The following N4BP1 variants were observed in gnomAD, a reference collection of about 807,000 sequenced individuals.
N4BP1 encodes the protein NEDD4 binding protein 1.
In N4BP1, 21 loss-of-function variants were observed where a neutral mutation model predicts 70.9. The observed-to-expected ratio is 0.30, with a 90% CI of 0.21 to 0.43. The LOEUF is 0.43. N4BP1 is among the 20% of genes least tolerant of loss of function. The pLI is 1.00. For missense variants in N4BP1, 936 were observed against 1,069.4 expected (o/e 0.88, Z 1.74); for synonymous variants, 387 against 394.6 (o/e 0.98, Z 0.23).
chr16:48,564,071 T>C (rs1963901927), intron 1 of N4BP1, among the ~76,000 whole-genome samples: 1 of 152,192 alleles, frequency 6.6e-6, no homozygotes, highest in Non-Finnish European at 1.5e-5. Context: ...TAGCCTTCTA[T>C]TTTCTAATTG....
chr16:48,603,973 C>T (rs1453730818), intron 1 of N4BP1, among the ~76,000 whole-genome samples: 1 of 152,208 alleles, frequency 6.6e-6, no homozygotes, highest in Admixed American at 6.5e-5. Flanking sequence ...GACCCCCTTA[C>T]CTCCAATCCT....
chr16:48,562,560 G>T, intron 1 of N4BP1, 116 bp from the exon 2 acceptor site: 1 of 843,898 alleles, frequency 1.2e-6, no homozygotes, highest in South Asian at 2.1e-5. Flanking sequence ...AAGCATGTTT[G>T]TAATTTTGAA....
At chr16:48,552,694 T>A in intron 3 of N4BP1, among the ~76,000 whole-genome samples, 1 of 59,372 alleles carries the variant, frequency 1.7e-5, no homozygotes, top group Non-Finnish European at 2.7e-5. Context: ...CGAGACTCCG[T>A]CTCAGAAAAA....
At chr16:48,553,796 A>C (rs1038558375) in intron 2 of N4BP1, 127 bp from the exon 3 acceptor site, 4 of 868,796 alleles carry the variant, frequency 4.6e-6, no homozygotes, top group Non-Finnish European at 6.6e-6. Context: ...TAATATTCTT[A>C]CATTTTTGGC....
At chr16:48,594,607 C>T (rs1306428182) in intron 1 of N4BP1, among the ~76,000 whole-genome samples, 2 of 152,160 alleles carry the variant, frequency 1.3e-5, no homozygotes, top group East Asian at 1.9e-4. Context: ...CTGCCCACCT[C>T]GACCTCCCAA....
intron 1 of N4BP1, among the ~76,000 whole-genome samples, chr16:48,593,350 T>A (rs1160021456): frequency 6.6e-6 from 1 of 152,128 alleles, no homozygotes; most frequent in Non-Finnish European, 1.5e-5. Context: ...ACACACAAAG[T>A]GTGTAAGGAA....
rs1964185535 is a variant in N4BP1, at chr16:48,582,369, T to G, written c.199-19925A>C. Among the ~76,000 whole-genome samples the G allele has an allele frequency of 3.3e-5, 5 of 152,248 alleles. No homozygotes were observed. The South Asian group carries it at 1.0e-3, about 32-fold the overall frequency. On this transcript the variant is annotated intron_variant, in intron 1 of 6. Transcript: ENST00000262384. ...ATTCCTCTGTCTGGTATATCCACGC[T>G]GTATATACTACCTGCCCAACAGACA...
rs375239847 is a variant in N4BP1, at chr16:48,543,160, G to A, written c.2435C>T (p.Pro812Leu). ...TQAASTSHQP[P>L]TRIQGAPSSH... ...TGAAGGGGCTCCCTGAATCCGGGTC[G>A]GAGGCTGGTGGCTGGTGCTGGCTGC... is the stretch of plus-strand genomic sequence containing the variant. The change falls in exon 7 of 7, where the codon CCG (proline) becomes CTG (leucine). Residue 812 changes from proline (P) to leucine (L), a missense_variant. Transcript: ENST00000262384. The A allele has an allele frequency of 3.9e-5, 63 of 1,602,328 alleles. No homozygotes were observed. The highest frequency in any genetic ancestry group is 2.7e-4 in the African/African-American group (20 of 74,828).
Position 48,561,617 on chromosome 16 carries a change from A to G in N4BP1, c.1026T>C (p.Thr342=). ...CGAGGATGTTGTATTCCATTTCCTC[A>G]GTAGTTTCTTTTATATCTGGACTTA... The part of the protein sequence containing the change: ...ENLSPDIKET[T]EEMEYNILVN... Residue 342 remains threonine, a synonymous_variant, in exon 2 of 7, where the codon ACT becomes ACC. Coordinates refer to ENST00000262384, the MANE Select transcript of N4BP1 (RefSeq NM_153029.4). 2 of 1,613,320 alleles carry G rather than the reference A, an allele frequency of 1.2e-6. No homozygotes were observed. Among genetic ancestry groups the G allele is most frequent in the East Asian group, 2.2e-5 (1 of 44,878 alleles).
At chr16:48,546,526 G>A (rs1451458709) in intron 5 of N4BP1, 8 of 304,114 alleles carry the variant, frequency 2.6e-5, no homozygotes, top group African/African-American at 6.4e-5. Context: ...TTAGGAAGCC[G>A]CTTCTTCTTC....
Position 48,541,935 on chromosome 16 carries a change from T to C in N4BP1, c.*969A>G, listed in dbSNP as rs560916654. 23 of 152,788 alleles carry C rather than the reference T, an allele frequency of 1.5e-4. No homozygotes were observed. Among genetic ancestry groups the C allele is most frequent in the African/African-American group, 5.3e-4 (22 of 41,584 alleles). 9.5% of individuals were successfully genotyped at this position (152,788 alleles called of 1,614,324 possible). On this transcript the variant is annotated 3_prime_UTR_variant, in exon 7 of 7. Coordinates refer to ENST00000262384, the MANE Select transcript of N4BP1 (RefSeq NM_153029.4). Reference sequence around the variant, plus strand: ...ACTTTTGAGAATAGAAAACCATTTTTTGGCAAAGCTGTACAAACTCCACAT... The same window carrying C: ...ACTTTTGAGAATAGAAAACCATTTTCTGGCAAAGCTGTACAAACTCCACAT...
chr16:48,549,194 C>T (rs528977416), intron 4 of N4BP1, among the ~76,000 whole-genome samples: 9 of 152,152 alleles, frequency 5.9e-5, no homozygotes, highest in Non-Finnish European at 1.2e-4. Context: ...GTGATGAGTA[C>T]TTAATGGGGA....
chr16:48,609,076 G>T (rs1373359014), intron 1 of N4BP1, among the ~76,000 whole-genome samples: 4 of 151,260 alleles, frequency 2.6e-5, no homozygotes, highest in Non-Finnish European at 5.9e-5. Flanking sequence ...TGAGCCGGGC[G>T]TGGTGGCGCG....
chr16:48,583,725 A>G (rs113634825), intron 1 of N4BP1, among the ~76,000 whole-genome samples: 173 of 152,336 alleles, frequency 1.1e-3, no homozygotes, highest in African/African-American at 3.1e-3. Context: ...CCATTTCTAC[A>G]TTCCTGCTGG....
intron 2 of N4BP1, among the ~76,000 whole-genome samples, chr16:48,559,120 G>A (rs985875888): frequency 1.3e-5 from 2 of 152,154 alleles, no homozygotes; most frequent in South Asian, 2.1e-4. Context: ...GACTGATCAC[G>A]AGCTGGTAAT....
chr16:48,594,001 C>CAAAAAAAAAAAAAAAAAAAA (rs750355255), intron 1 of N4BP1, among the ~76,000 whole-genome samples: 5 of 42,522 alleles, frequency 1.2e-4, no homozygotes, highest in African/African-American at 2.6e-4. Context: ...GACTCCGTCT[C>CAAAAAAAAAAAAAAAAAAAA]AAAAAAAAAA....
intron 1 of N4BP1, among the ~76,000 whole-genome samples, chr16:48,588,919 G>A (rs1964289864): frequency 1.3e-5 from 2 of 152,146 alleles, no homozygotes; most frequent in Non-Finnish European, 2.9e-5. Context: ...CAAAGACTTT[G>A]TGGTCCACAA....
intron 4 of N4BP1, 140 bp downstream of exon 4, chr16:48,551,246 G>A (rs562629567): frequency 1.2e-5 from 7 of 565,030 alleles, no homozygotes; most frequent in South Asian, 1.2e-4. Context: ...ATATCACTGA[G>A]CATATCACCT....
At position 48,562,442 on chromosome 16, in the gene N4BP1, T is replaced by C; in HGVS notation, c.201A>G (p.Glu67=). Reference sequence around the variant, plus strand: ...CAGGTTCACAGATTCCTTTAATATATTCCTGTAAAGAGAAAATAAGAAATT... The same window carrying C: ...CAGGTTCACAGATTCCTTTAATATACTCCTGTAAAGAGAAAATAAGAAATT... ...GAQEAVHSAK[E]YIKGICEPEL... The change falls in exon 2 of 7, where the codon GAA becomes GAG. Residue 67 remains glutamate, a splice_region_variant and synonymous_variant. Transcript: ENST00000262384. 2 of 1,594,026 alleles carry C rather than the reference T, an allele frequency of 1.3e-6. No individual in the cohort carries two copies. Among genetic ancestry groups the C allele is most frequent in the African/African-American group, 1.4e-5 (1 of 73,662 alleles).
Sources: gnomAD v4.1 joint callset for allele counts (sites outside exome capture counted in the v4.1 genomes callset) on GRCh38, gnomAD v4.1.1 for gene constraint, MANE v1.5 for transcripts, NCBI Gene and HGNC (gene_info 2026-07-23, HGNC 2026-07-21) for gene names.